The following MYT1 variants were observed in gnomAD, a reference collection of about 807,000 sequenced individuals.
The protein encoded by MYT1 is myelin transcription factor 1.
MYT1 carries 23 observed loss-of-function variants against 123.0 expected under a neutral mutation model. The ratio of observed to expected loss-of-function variants is 0.19; its 90% CI spans 0.13 to 0.26. The LOEUF is 0.26. Ranked by LOEUF, MYT1 falls within the 10% of genes least tolerant of loss-of-function variation. MYT1 has a pLI of 1.00. For missense variants in MYT1, 1,125 were observed against 1,472.5 expected (o/e 0.76, Z 3.86); for synonymous variants, 518 against 575.3 (o/e 0.90, Z 1.43).
At chr20:64,216,566 G>A (rs1983844746) in intron 10 of MYT1, among the ~76,000 whole-genome samples, 1 of 152,214 alleles carries the variant, frequency 6.6e-6, no homozygotes, top group African/African-American at 2.4e-5. Flanking sequence ...CTGGCCCTGA[G>A]GCCACTCCTC....
rs1026131189 is a variant in MYT1, at chr20:64,166,287, T to C, written c.-99+1548T>C. On this transcript the variant is annotated intron_variant, in intron 1 of 22. Coordinates refer to ENST00000328439, the MANE Select transcript of MYT1 (RefSeq NM_004535.3). This position sits in a 1 kb window ranked among gnomAD's most constrained non-coding sequence, Gnocchi z 4.9. The stretch of plus-strand genomic sequence containing the variant: ...TGTGCAGAGGAGGCTGGGTCAGGGC[T>C]TAGAGGGCAGTTTGTTTTCAAAGAG... Among the ~76,000 whole-genome samples the C allele has an allele frequency of 2.0e-5, 3 of 152,120 alleles. No individual in the cohort carries two copies. The highest frequency in any genetic ancestry group is 7.2e-5 in the African/African-American group (3 of 41,418).
At chr20:64,237,181 C>G in intron 20 of MYT1, 106 bp from the exon 21 acceptor site, 1 of 824,100 alleles carries the variant, frequency 1.2e-6, no homozygotes. Context: ...GGGGAGACCT[C>G]TGCTGCACAG....
At chr20:64,179,336 CCTTCACCTGAT>C (rs1982573499) in intron 1 of MYT1, among the ~76,000 whole-genome samples, 1 of 152,226 alleles carries the variant, frequency 6.6e-6, no homozygotes, top group Non-Finnish European at 1.5e-5. Flanking sequence ...GGAGGTTCTC[CCTTCACCTGAT>C]GCTGATTTGT....
intron 12 of MYT1, among the ~76,000 whole-genome samples, 177 bp downstream of exon 12, chr20:64,219,212 TG>T (rs749477794): frequency 5.9e-5 from 9 of 152,202 alleles, no homozygotes; most frequent in African/African-American, 1.2e-4. Context: ...AGAGCTTGGA[TG>T]GGTCCACCAG....
chr20:64,228,977 G>A (rs372899879), intron 18 of MYT1, among the ~76,000 whole-genome samples: 2 of 152,360 alleles, frequency 1.3e-5, no homozygotes, highest in South Asian at 4.1e-4. Flanking sequence ...CGCCCGGGGA[G>A]GGGCAACTTG....
intron 1 of MYT1, among the ~76,000 whole-genome samples, chr20:64,178,203 G>A (rs544645060): frequency 1.3e-5 from 2 of 152,316 alleles, no homozygotes; most frequent in African/African-American, 2.4e-5. Flanking sequence ...CCACAGAAAC[G>A]TTTCAAGTAA....
Position 64,231,976 on chromosome 20 carries a change from C to T in MYT1, c.2676-188C>T, listed in dbSNP as rs1328288311. 6.6e-6 allele frequency among the ~76,000 whole-genome samples: 1 copy of T among 152,202 alleles called. No individual in the cohort carries two copies. Among genetic ancestry groups the T allele is most frequent in the African/African-American group, 2.4e-5 (1 of 41,446 alleles). On this transcript the variant is annotated intron_variant, in intron 18 of 22. Transcript: ENST00000328439. The surrounding 1 kb of genome is among the most constrained non-coding windows in gnomAD (Gnocchi z 6.4). ...GCGGAAGAGGGAGCGTGGCCCGGGT[C>T]TTCACACTCAGCCCGGAAGGGCCAG...
chr20:64,202,432 A>G lies in MYT1; in HGVS notation c.86+2510A>G, dbSNP rs1186382883. ...CCAGAGGCGAAGACTAGGGAAGGTTAGGGTTGGGGTTAGCATCTTTGAGAC... is the reference window on the plus strand; with the variant it reads ...CCAGAGGCGAAGACTAGGGAAGGTTGGGGTTGGGGTTAGCATCTTTGAGAC... On this transcript the variant is annotated intron_variant, in intron 4 of 22. Transcript: ENST00000328439. This position sits in a 1 kb window ranked among gnomAD's most constrained non-coding sequence, Gnocchi z 5.0. Among the ~76,000 whole-genome samples, 2 of 152,110 alleles carry G rather than the reference A, an allele frequency of 1.3e-5. No individual in the cohort carries two copies. The highest frequency in any genetic ancestry group is 4.8e-5 in the African/African-American group (2 of 41,418).
Position 64,202,469 on chromosome 20 carries a change from G to A in MYT1, c.86+2547G>A, listed in dbSNP as rs1368034944. On this transcript the variant is annotated intron_variant, in intron 4 of 22. Transcript: ENST00000328439. This position sits in a 1 kb window ranked among gnomAD's most constrained non-coding sequence, Gnocchi z 5.0. ...AGCATCTTTGAGACAGCGAGGCGCTGACAACACCGAGTTCAGGACCATCTC... is the reference window on the plus strand; with the variant it reads ...AGCATCTTTGAGACAGCGAGGCGCTAACAACACCGAGTTCAGGACCATCTC... 6.6e-6 allele frequency among the ~76,000 whole-genome samples: 1 copy of A among 152,112 alleles called. No individual in the cohort carries two copies. The highest frequency in any genetic ancestry group is 1.5e-5 in the Non-Finnish European group (1 of 68,022).
chr20:64,231,362 G>T lies in MYT1; in HGVS notation c.2676-802G>T, dbSNP rs1294152358. ...GGACAGACACTCAGAGAGGTCATGG[G>T]CCTGGGCCCTCTGCGCTGTCCTGTT... On this transcript the variant is annotated intron_variant, in intron 18 of 22. Transcript: ENST00000328439. The surrounding 1 kb of genome is among the most constrained non-coding windows in gnomAD (Gnocchi z 6.4). Among the ~76,000 whole-genome samples, 1 of 152,202 alleles carries T rather than the reference G, an allele frequency of 6.6e-6. No individual in the cohort carries two copies. The highest frequency in any genetic ancestry group is 2.1e-4 in the South Asian group (1 of 4,828).
At chr20:64,240,055 C>T (rs6090082) in intron 22 of MYT1, 152 bp downstream of exon 22, 136,095 of 1,267,884 alleles carry the variant, frequency 0.11, 8,100 homozygotes, top group South Asian at 0.14. Flanking sequence ...CCGAATGGCC[C>T]GGGCTGTTGG....
Position 64,198,897 on chromosome 20 carries a change from C to G in MYT1, c.36C>G (p.Thr12=). The change falls in exon 3 of 23, where the codon ACC becomes ACG. Residue 12 remains threonine (T), a synonymous_variant. Transcript: ENST00000328439. Reference sequence around the variant, plus strand: ...AAAATGAAGACAAGCGAGCTCGCACCCGATCCAAGGCCCTGCGAGGTGAGT... The same window carrying G: ...AAAATGAAGACAAGCGAGCTCGCACGCGATCCAAGGCCCTGCGAGGTGAGT... ...SLENEDKRAR[T]RSKALRGPPE... 1 of 1,614,204 alleles carries G rather than the reference C, an allele frequency of 6.2e-7. No homozygotes were observed. The highest frequency in any genetic ancestry group is 1.1e-5 in the South Asian group (1 of 91,088).
intron 17 of MYT1, 145 bp downstream of exon 17, chr20:64,227,622 C>A (rs1984205976): frequency 1.2e-6 from 1 of 863,254 alleles, no homozygotes; most frequent in Non-Finnish European, 1.8e-6. Context: ...TTTCCAGAAC[C>A]TGATTAAGTT....
chr20:64,181,627 T>C (rs758853488), intron 1 of MYT1, among the ~76,000 whole-genome samples: 2 of 152,218 alleles, frequency 1.3e-5, no homozygotes, highest in Non-Finnish European at 2.9e-5. Flanking sequence ...TTTGTCCTTG[T>C]TCCTGCTCTA....
In MYT1 at chr20:64,170,884, T is replaced by TAGAGAGAG. The variant is rs71197459; in HGVS notation, c.-99+6189_-99+6196dup. On this transcript the variant is annotated intron_variant, in intron 1 of 22. Transcript: ENST00000328439. ...ATATATATATATATATATATATATA[T>TAGAGAGAG]AGAGAGAGAGAGAGAGAGAGAGAGA... Among the ~76,000 whole-genome samples the TAGAGAGAG allele has an allele frequency of 5.9e-3, 119 of 20,014 alleles. 3 individuals carry two copies. Among genetic ancestry groups the TAGAGAGAG allele is most frequent in the African/African-American group, 7.2e-3 (31 of 4,326 alleles). The allele number at this position is 20,014 out of a possible 152,430, so 13.1% of individuals were successfully genotyped here.
Position 64,217,048 on chromosome 20 carries a change from TC to T in MYT1, c.1632-16del. ...CAGGTCCCATCTCACTGGCTGTGCA[TC>T]CCTGTACTGCACCCCAGGCCCATGT... On this transcript the variant is annotated intron_variant, in intron 10 of 22. Transcript: ENST00000328439. 1 of 1,608,236 alleles carries T rather than the reference TC, an allele frequency of 6.2e-7. No homozygotes were observed. Among genetic ancestry groups the T allele is most frequent in the Non-Finnish European group, 8.5e-7 (1 of 1,176,540 alleles).
At chr20:64,227,612 T>A in intron 17 of MYT1, 135 bp downstream of exon 17, 1 of 901,786 alleles carries the variant, frequency 1.1e-6, no homozygotes, top group Non-Finnish European at 1.7e-6. Context: ...ATTGTTGCCA[T>A]TTCCAGAACC....
rs555228405 is a variant in MYT1 at position 64,168,874 on chromosome 20, G to T, written c.-99+4135G>T. Among the ~76,000 whole-genome samples, 8 of 152,284 alleles carry T rather than the reference G, an allele frequency of 5.3e-5. No homozygotes were observed. Among genetic ancestry groups the T allele is most frequent in the Admixed American group, 1.3e-4 (2 of 15,300 alleles). On this transcript the variant is annotated intron_variant, in intron 1 of 22. Transcript: ENST00000328439. This position sits in a 1 kb window ranked among gnomAD's most constrained non-coding sequence, Gnocchi z 6.1. ...GCACTGGGGATCTGGATGCTCGGGA[G>T]GAAAGGTGGAGGCACCATATGGCCT...
chr20:64,240,174 C>A, intron 22 of MYT1, 146 bp from the exon 23 acceptor site: 2 of 1,199,896 alleles, frequency 1.7e-6, no homozygotes, highest in Non-Finnish European at 2.3e-6. Context: ...GGGATGGCTG[C>A]AGAGAGGAAC....
Sources: allele counts gnomAD v4.1 joint callset (sites outside exome capture counted in the v4.1 genomes callset), GRCh38; gene constraint gnomAD v4.1.1; non-coding constraint Gnocchi (gnomAD v3.1); transcripts MANE v1.5; gene names NCBI Gene and HGNC (gene_info 2026-07-23, HGNC 2026-07-21).